TBC1D19: variants seen among roughly 807,000 people sequenced by gnomAD.
TBC1D19 encodes the protein TBC1 domain family, member 19.
Under a neutral mutation model 89.0 loss-of-function variants are expected in TBC1D19, and 60 were observed. The observed-to-expected ratio is 0.67, with a 90% CI of 0.55 to 0.84. TBC1D19 has a LOEUF of 0.84. TBC1D19 is among the 40% of genes least tolerant of loss of function. The pLI, the probability that TBC1D19 is intolerant of heterozygous loss-of-function variation, is 0.00. For missense variants in TBC1D19, 500 were observed against 610.8 expected (o/e 0.82, Z 1.91); for synonymous variants, 189 against 199.7 (o/e 0.95, Z 0.45).
chr4:26,604,488 G>T (rs1386707510), intron 1 of TBC1D19, among the ~76,000 whole-genome samples: 2 of 151,518 alleles, frequency 1.3e-5, no homozygotes, highest in African/African-American at 4.8e-5. Context: ...ATATTCCATT[G>T]TACTAACATA....
chr4:26,739,621 A>C (rs1047263588), intron 16 of TBC1D19, among the ~76,000 whole-genome samples: 2 of 152,070 alleles, frequency 1.3e-5, no homozygotes, highest in Admixed American at 6.5e-5. Flanking sequence ...ATTCTTAGGC[A>C]TCTGTTAAAT....
the TBC1D19 span, among the ~76,000 whole-genome samples, chr4:26,846,582 T>G: frequency 2.0e-5 from 3 of 152,218 alleles, no homozygotes; most frequent in Non-Finnish European, 4.4e-5. Flanking sequence ...GATAATGTTT[T>G]TCATTTTAAT....
At chr4:26,601,591 T>C (rs968626611) in intron 1 of TBC1D19, among the ~76,000 whole-genome samples, 2 of 152,180 alleles carry the variant, frequency 1.3e-5, no homozygotes, top group African/African-American at 4.8e-5. Flanking sequence ...GTCTCTCTTA[T>C]AGGGTATTTC....
At chr4:26,799,680 G>A in the TBC1D19 span, among the ~76,000 whole-genome samples, 1 of 152,120 alleles carries the variant, frequency 6.6e-6, no homozygotes, top group Admixed American at 6.5e-5. Flanking sequence ...GCCATGTGAG[G>A]ACACAGAAGG....
intron 4 of TBC1D19, among the ~76,000 whole-genome samples, chr4:26,622,850 C>T (rs1742147405): frequency 6.6e-6 from 1 of 152,142 alleles, no homozygotes; most frequent in Non-Finnish European, 1.5e-5. Flanking sequence ...CCCTTTCATA[C>T]AAGGTTTGCC....
intron 15 of TBC1D19, among the ~76,000 whole-genome samples, chr4:26,720,388 C>T (rs946735223): frequency 6.6e-6 from 1 of 152,116 alleles, no homozygotes; most frequent in Non-Finnish European, 1.5e-5. Context: ...CAAGGCACTT[C>T]ATTTTCCTGT....
At chr4:26,692,476 G>A (rs1308282952) in intron 13 of TBC1D19, among the ~76,000 whole-genome samples, 1 of 152,190 alleles carries the variant, frequency 6.6e-6, no homozygotes, top group Non-Finnish European at 1.5e-5. Flanking sequence ...TTCTCACAAA[G>A]CAGAAGTGTC....
At chr4:26,655,217 G>T (rs1443690248) in intron 7 of TBC1D19, among the ~76,000 whole-genome samples, 1 of 152,230 alleles carries the variant, frequency 6.6e-6, no homozygotes, top group Non-Finnish European at 1.5e-5. Context: ...GTTGCTGCCT[G>T]ATCGTTCCTC....
chr4:26,797,472 G>A, the TBC1D19 span, among the ~76,000 whole-genome samples: 1 of 152,066 alleles, frequency 6.6e-6, no homozygotes, highest in African/African-American at 2.4e-5. Context: ...TACTGCCCAA[G>A]GCAATCTACA....
Position 26,739,964 on chromosome 4 carries a change from T to C in TBC1D19, c.1218T>C (p.Ser406=), listed in dbSNP as rs1172234186. 1.3e-6 allele frequency: 2 copies of C among 1,576,800 alleles called. No homozygotes were observed. The highest frequency in any genetic ancestry group is 3.6e-5 in the Admixed American group (2 of 55,346). Residue 406 remains serine (S), a synonymous_variant, in exon 17 of 21, where the codon TCT becomes TCC. Transcript: ENST00000264866. ...RFFFRLHSIS[S]HPSGIVSLCL... ...TCTTCAGACTCCATTCCATCTCTTC[T>C]CATCCTTCTGTAAGTTCATAAGAAA...
chr4:26,777,934 G>A, the TBC1D19 span, among the ~76,000 whole-genome samples: 17 of 152,164 alleles, frequency 1.1e-4, no homozygotes, highest in Admixed American at 5.2e-4. Flanking sequence ...TTAACAGGGC[G>A]TGGCGGTACA....
chr4:26,735,453 A>C lies in TBC1D19; in HGVS notation c.1085-2A>C. On this transcript the variant is annotated splice_acceptor_variant, in intron 15 of 20. Transcript: ENST00000264866. LOFTEE classifies it high-confidence loss of function. Reference sequence around the variant, plus strand: ...TGAAAAGAAATACCTTTTTTTTTTTAGGTGTTATCCCTTTTCATGGATTTT... The same window carrying C: ...TGAAAAGAAATACCTTTTTTTTTTTCGGTGTTATCCCTTTTCATGGATTTT... 5.4e-6 allele frequency: 7 copies of C among 1,305,390 alleles called. No homozygotes were observed. The highest frequency in any genetic ancestry group is 7.3e-6 in the Non-Finnish European group (7 of 965,490). The allele number at this position is 1,305,390 out of a possible 1,614,324, so 80.9% of individuals were successfully genotyped here. A position where few individuals can be genotyped will look rare whatever the true frequency, so the allele number is the denominator to read the frequency against.
chr4:26,820,269 T>C, the TBC1D19 span, among the ~76,000 whole-genome samples: 2 of 152,240 alleles, frequency 1.3e-5, no homozygotes, highest in African/African-American at 4.8e-5. Context: ...CTAAAACTTA[T>C]TCTTGCAGTC....
chr4:26,855,253 T>A, the TBC1D19 span, among the ~76,000 whole-genome samples: 323 of 152,340 alleles, frequency 2.1e-3, 1 homozygote, highest in African/African-American at 7.6e-3. Context: ...ACTTTAGGCA[T>A]ATGGCCCTGT....
chr4:26,843,611 C>T, the TBC1D19 span, among the ~76,000 whole-genome samples: 325 of 151,730 alleles, frequency 2.1e-3, 1 homozygote, highest in African/African-American at 7.7e-3. Flanking sequence ...GCAAGAGTTC[C>T]TTCCAGTTAA....
the TBC1D19 span, among the ~76,000 whole-genome samples, chr4:26,767,855 A>G: frequency 5.9e-4 from 90 of 152,312 alleles, no homozygotes; most frequent in African/African-American, 2.0e-3. Flanking sequence ...GATATGGGAC[A>G]TCAAGCACTA....
At chr4:26,731,399 A>G (rs1191214809) in intron 15 of TBC1D19, among the ~76,000 whole-genome samples, 2 of 152,184 alleles carry the variant, frequency 1.3e-5, no homozygotes, top group East Asian at 1.9e-4. Flanking sequence ...TGAAGAGTTA[A>G]GTGGTCCTTA....
chr4:26,610,179 G>A (rs1189224024), intron 1 of TBC1D19, among the ~76,000 whole-genome samples: 1 of 151,766 alleles, frequency 6.6e-6, no homozygotes, highest in African/African-American at 2.4e-5. Flanking sequence ...TAGATTGGGA[G>A]GACATTTTTT....
At chr4:26,646,697 A>C (rs1473401095) in intron 7 of TBC1D19, among the ~76,000 whole-genome samples, 1 of 152,226 alleles carries the variant, frequency 6.6e-6, no homozygotes, top group Non-Finnish European at 1.5e-5. Flanking sequence ...CTATCGCAAG[A>C]ACAGAAAACC....
Sources: gnomAD v4.1 joint callset for allele counts (sites outside exome capture counted in the v4.1 genomes callset) on GRCh38, gnomAD v4.1.1 for gene constraint, MANE v1.5 for transcripts, NCBI Gene and HGNC (gene_info 2026-07-23, HGNC 2026-07-21) for gene names.